Variants in KDM4C observed in about 807,000 individuals in gnomAD.
KDM4C encodes the protein lysine demethylase 4C, also known as lysine-specific demethylase 4C.
Under a neutral mutation model 129.3 loss-of-function variants are expected in KDM4C, and 81 were observed. That is an observed-to-expected ratio of 0.63 (90% CI 0.52 to 0.75). KDM4C has a LOEUF of 0.75. Among genes scored for constraint, KDM4C ranks in the 30% least tolerant of loss-of-function variants. The pLI, the probability that KDM4C is intolerant of heterozygous loss-of-function variation, is 0.00. For missense variants in KDM4C, 1,457 were observed against 1,304.0 expected (o/e 1.12, Z -1.81); for synonymous variants, 573 against 456.1 (o/e 1.26, Z -3.26).
intron 11 of KDM4C, among the ~76,000 whole-genome samples, chr9:6,989,940 ATT>A (rs5896173): frequency 2.6e-4 from 38 of 148,348 alleles, no homozygotes; most frequent in Admixed American, 8.7e-4. Flanking sequence ...ATACCTGGCT[ATT>A]TTTTTTTTTT....
At chr9:6,890,636 T>A (rs1845988063) in intron 7 of KDM4C, among the ~76,000 whole-genome samples, 1 of 152,150 alleles carries the variant, frequency 6.6e-6, no homozygotes, top group African/African-American at 2.4e-5. Flanking sequence ...CTCTTTTTTT[T>A]TTTTAAATCA....
At chr9:7,002,071 T>TTAGAAAA (rs1820830251) in intron 12 of KDM4C, among the ~76,000 whole-genome samples, 1 of 152,134 alleles carries the variant, frequency 6.6e-6, no homozygotes, top group African/African-American at 2.4e-5. Context: ...TTTTCTATTT[T>TTAGAAAA]TAGTAGAGAC....
chr9:6,994,440 T>G (rs1171313484), intron 12 of KDM4C, among the ~76,000 whole-genome samples: 1 of 152,132 alleles, frequency 6.6e-6, no homozygotes, highest in Non-Finnish European at 1.5e-5. Flanking sequence ...CTACCGCCCA[T>G]AGACTCCATA....
intron 2 of KDM4C, among the ~76,000 whole-genome samples, chr9:6,798,039 T>G (rs1828081005): frequency 6.6e-6 from 1 of 152,174 alleles, no homozygotes. Context: ...TCTGATGTCT[T>G]AGGATTTCAA....
intron 4 of KDM4C, among the ~76,000 whole-genome samples, chr9:6,847,127 T>A (rs1426001979): frequency 6.6e-6 from 1 of 152,214 alleles, no homozygotes; most frequent in Non-Finnish European, 1.5e-5. Context: ...TGTCTCCATA[T>A]GTAGGAATTT....
At chr9:6,985,538 CAA>C (rs1386134383) in intron 10 of KDM4C, among the ~76,000 whole-genome samples, 4 of 152,074 alleles carry the variant, frequency 2.6e-5, no homozygotes, top group Non-Finnish European at 4.4e-5. Context: ...GCTGGATAGC[CAA>C]GGTTTCTTGG....
intron 17 of KDM4C, among the ~76,000 whole-genome samples, chr9:7,075,384 G>T (rs1306043966): frequency 3.3e-5 from 5 of 152,138 alleles, no homozygotes; most frequent in African/African-American, 9.7e-5. Flanking sequence ...GTGTTGGGGG[G>T]TGCGACCTAG....
Position 7,011,811 on chromosome 9 carries a change from T to C in KDM4C, c.1900T>C (p.Tyr634His). The C allele has an allele frequency of 6.2e-7, 1 of 1,613,952 alleles. No homozygotes were observed. Among genetic ancestry groups the C allele is most frequent in the South Asian group, 1.1e-5 (1 of 91,068 alleles). Residue 634 changes from tyrosine to histidine, a missense_variant, in exon 13 of 22, where the codon TAT (tyrosine) becomes CAT (histidine). Coordinates refer to ENST00000381309, the MANE Select transcript of KDM4C (RefSeq NM_015061.6). ...KSPNFAAEQE[Y>H]NATVARMKPH... ...CCCTAACTTCGCAGCTGAGCAAGAG[T>C]ATAATGCAACAGTGGCCAGGATGAA...
intron 1 of KDM4C, chr9:6,749,071 G>C (rs1817983367): frequency 4.0e-6 from 2 of 505,270 alleles, no homozygotes; most frequent in Non-Finnish European, 7.6e-6. Flanking sequence ...CCAGGCTGGA[G>C]TGCAATGGCG....
intron 8 of KDM4C, among the ~76,000 whole-genome samples, chr9:6,898,558 CCAG>C (rs1816835325): frequency 6.6e-6 from 1 of 152,142 alleles, no homozygotes; most frequent in Non-Finnish European, 1.5e-5. Context: ...CTTATAAACT[CCAG>C]GAGTACTACC....
chr9:7,127,475 C>T (rs986506782), intron 18 of KDM4C, among the ~76,000 whole-genome samples: 1 of 152,122 alleles, frequency 6.6e-6, no homozygotes, highest in African/African-American at 2.4e-5. Flanking sequence ...ACTTAAGACA[C>T]ATGCTTTATT....
At position 6,881,196 on chromosome 9, in the gene KDM4C, C is replaced by T. The variant is rs185599755; in HGVS notation, c.679+1135C>T. On this transcript the variant is annotated intron_variant, in intron 6 of 21. Transcript: ENST00000381309. ...TTTTTAACAGAAACTGTTAATGGCA[C>T]CTAAAGGTTACTTTTCCCTAAATTA... Among the ~76,000 whole-genome samples, 38 of 152,116 alleles carry T rather than the reference C, an allele frequency of 2.5e-4. 1 individual carries two copies. The highest frequency in any genetic ancestry group is 2.5e-3 in the Admixed American group (38 of 15,284).
intron 17 of KDM4C, among the ~76,000 whole-genome samples, chr9:7,067,808 T>C (rs1306102104): frequency 6.6e-6 from 1 of 152,192 alleles, no homozygotes; most frequent in Non-Finnish European, 1.5e-5. Context: ...TTTGACTTTT[T>C]TTTTTGAGAT....
chr9:6,737,664 C>CAAAAAAAAA (rs34608889), intron 1 of KDM4C, among the ~76,000 whole-genome samples: 3 of 47,482 alleles, frequency 6.3e-5, no homozygotes, highest in African/African-American at 8.6e-5. Flanking sequence ...GACTTCATCT[C>CAAAAAAAAA]AAAAAAAAAA....
Position 6,953,503 on chromosome 9 carries a change from C to T in KDM4C, c.922-27422C>T, listed in dbSNP as rs971768465. Among the ~76,000 whole-genome samples the T allele has an allele frequency of 1.9e-4, 29 of 152,090 alleles. 1 individual carries two copies. Among genetic ancestry groups the T allele is most frequent in the East Asian group, 1.9e-4 (1 of 5,204 alleles). ...TTGCTCTGGAGGCTGTTCTAAGCTGCCTAGACTATAAAGCTTTCTTTTATT... is the reference window on the plus strand; with the variant it reads ...TTGCTCTGGAGGCTGTTCTAAGCTGTCTAGACTATAAAGCTTTCTTTTATT... On this transcript the variant is annotated intron_variant, in intron 8 of 21. Coordinates refer to ENST00000381309, the MANE Select transcript of KDM4C (RefSeq NM_015061.6).
At chr9:6,832,880 A>G (rs879804708) in intron 4 of KDM4C, among the ~76,000 whole-genome samples, 9 of 146,390 alleles carry the variant, frequency 6.1e-5, no homozygotes, top group East Asian at 2.0e-4. Context: ...GGCACCCACC[A>G]CCTTGCCTGG....
At chr9:7,104,812 G>A (rs569761445) in intron 18 of KDM4C, among the ~76,000 whole-genome samples, 1 of 152,342 alleles carries the variant, frequency 6.6e-6, no homozygotes, top group African/African-American at 2.4e-5. Flanking sequence ...CCTCTTGTGA[G>A]CAGCCTGCCA....
chr9:7,009,526 T>C (rs1822297639), intron 12 of KDM4C, among the ~76,000 whole-genome samples: 1 of 152,170 alleles, frequency 6.6e-6, no homozygotes. Context: ...TAAGAGAAAC[T>C]GCCTTTTTGT....
intron 2 of KDM4C, among the ~76,000 whole-genome samples, chr9:6,793,501 A>G (rs546426380): frequency 6.7e-6 from 1 of 149,758 alleles, no homozygotes; most frequent in Non-Finnish European, 1.5e-5. Context: ...TCTCTCTCCT[A>G]TCCTTTTTCT....
Sources: gnomAD v4.1 joint callset for allele counts (sites outside exome capture counted in the v4.1 genomes callset) on GRCh38, gnomAD v4.1.1 for gene constraint, MANE v1.5 for transcripts, NCBI Gene and HGNC (gene_info 2026-07-23, HGNC 2026-07-21) for gene names.